Variants in BLTP1 observed in about 807,000 individuals in gnomAD.
BLTP1 encodes the protein fragile site-associated protein.
At chr4:122,213,172 A>G in the BLTP1 span, among the ~76,000 whole-genome samples, 20 of 152,248 alleles carry the variant, frequency 1.3e-4, no homozygotes, top group East Asian at 3.9e-4. Context: ...AGCTAGGTCT[A>G]CAGGCGAGCA....
the BLTP1 span, chr4:122,192,390 A>G: frequency 6.5e-7 from 1 of 1,545,626 alleles, no homozygotes; most frequent in Non-Finnish European, 8.9e-7. Flanking sequence ...GTACTTGAGT[A>G]TGTTATATTT....
the BLTP1 span, among the ~76,000 whole-genome samples, chr4:122,245,875 T>G: frequency 6.6e-6 from 1 of 152,134 alleles, no homozygotes; most frequent in Non-Finnish European, 1.5e-5. Flanking sequence ...AAGAGTTTAG[T>G]GATCTTAAAA....
At chr4:122,333,781 T>C in the BLTP1 span, 1 of 1,610,292 alleles carries the variant, frequency 6.2e-7, no homozygotes. Flanking sequence ...GAAACAACAG[T>C]ATTTTACATT....
chr4:122,279,967 A>G, the BLTP1 span: 6 of 1,613,956 alleles, frequency 3.7e-6, no homozygotes, highest in South Asian at 5.5e-5. Flanking sequence ...ACCTAATCAG[A>G]CAGCCTTCTA....
At chr4:122,168,103 G>A in the BLTP1 span, among the ~76,000 whole-genome samples, 2 of 152,098 alleles carry the variant, frequency 1.3e-5, no homozygotes, top group African/African-American at 4.8e-5. Context: ...TTCTGTACTT[G>A]CTTAAAATAT....
the BLTP1 span, chr4:122,316,612 A>T: frequency 7.4e-7 from 1 of 1,343,404 alleles, no homozygotes; most frequent in African/African-American, 1.5e-5. Context: ...GAGAATTCCA[A>T]CCTTAATATA....
the BLTP1 span, among the ~76,000 whole-genome samples, chr4:122,218,061 C>T: frequency 1.3e-5 from 2 of 151,932 alleles, no homozygotes; most frequent in Non-Finnish European, 2.9e-5. Flanking sequence ...GTTATAATAT[C>T]TCCAGTTTTG....
At chr4:122,196,635 A>G in the BLTP1 span, 9 of 1,604,148 alleles carry the variant, frequency 5.6e-6, no homozygotes, top group Middle Eastern at 1.7e-4. Context: ...CTTAATGTAG[A>G]GATTGTTTGT....
At chr4:122,320,715 G>T in the BLTP1 span, among the ~76,000 whole-genome samples, 1 of 151,938 alleles carries the variant, frequency 6.6e-6, no homozygotes, top group African/African-American at 2.4e-5. Context: ...TGGGTTTCTT[G>T]TAGCAACACA....
the BLTP1 span, chr4:122,227,278 CAT>C: frequency 2.2e-5 from 22 of 988,566 alleles, no homozygotes; most frequent in African/African-American, 1.2e-4. Flanking sequence ...CCTGACTCCA[CAT>C]GTTATGCTCT....
chr4:122,224,472 TAC>T, the BLTP1 span: 1 of 1,595,112 alleles, frequency 6.3e-7, no homozygotes, highest in East Asian at 2.2e-5. Context: ...TTATACATTT[TAC>T]AGTCTCATCA....
At chr4:122,353,544 C>CT in the BLTP1 span, among the ~76,000 whole-genome samples, 1 of 152,110 alleles carries the variant, frequency 6.6e-6, no homozygotes, top group South Asian at 2.1e-4. The surrounding 1 kb of genome is among the most constrained non-coding windows in gnomAD (Gnocchi z 4.3). Context: ...AACCCATTTC[C>CT]TTTGAGCTTT....
chr4:122,257,166 T>G, the BLTP1 span: 2,404 of 1,236,498 alleles, frequency 1.9e-3, 1 homozygote, highest in Non-Finnish European at 2.5e-3. Context: ...ATGAGTATTA[T>G]GAGATTTGAA....
chr4:122,251,598 C>T, the BLTP1 span: 1 of 985,028 alleles, frequency 1.0e-6, no homozygotes, highest in Non-Finnish European at 1.2e-6. Context: ...TGAGAAAAGC[C>T]TAGCTGTTCT....
chr4:122,306,164 A>C, the BLTP1 span: 1 of 983,580 alleles, frequency 1.0e-6, no homozygotes, highest in Non-Finnish European at 1.4e-6. Context: ...CCTAAATCTG[A>C]AATGTGTGTA....
the BLTP1 span, among the ~76,000 whole-genome samples, chr4:122,302,723 T>C: frequency 6.6e-6 from 1 of 152,206 alleles, no homozygotes; most frequent in Non-Finnish European, 1.5e-5. Flanking sequence ...TTAAAAGTGC[T>C]ACTCCAGTGA....
the BLTP1 span, among the ~76,000 whole-genome samples, chr4:122,212,983 C>T: frequency 7.8e-3 from 1,192 of 152,136 alleles, 10 homozygotes; most frequent in South Asian, 0.031. Flanking sequence ...GCCCAATGAA[C>T]GCTATGCTTC....
At chr4:122,306,053 A>C in the BLTP1 span, 26 of 1,598,836 alleles carry the variant, frequency 1.6e-5, no homozygotes, top group Non-Finnish European at 8.5e-7. Flanking sequence ...GAGGTAAGAT[A>C]AAGTCAATCA....
chr4:122,261,353 C>T, the BLTP1 span: 2 of 983,828 alleles, frequency 2.0e-6, no homozygotes, highest in Admixed American at 1.2e-4. Context: ...TTGTTTTGAA[C>T]ATTCTTTTGC....
Sources: allele counts gnomAD v4.1 joint callset (sites outside exome capture counted in the v4.1 genomes callset), GRCh38; gene constraint gnomAD v4.1.1; non-coding constraint Gnocchi (gnomAD v3.1); transcripts MANE v1.5; gene names NCBI Gene and HGNC (gene_info 2026-07-23, HGNC 2026-07-21).